The following GLCCI1 variants were observed in gnomAD, a reference collection of about 807,000 sequenced individuals.
The protein encoded by GLCCI1 is glucocorticoid induced 1, also known as glucocorticoid-induced transcript 1 protein.
Under a neutral mutation model 52.2 loss-of-function variants are expected in GLCCI1, and 24 were observed. The ratio of observed to expected loss-of-function variants is 0.46; its 90% confidence interval spans 0.33 to 0.65. GLCCI1 has a LOEUF of 0.65. GLCCI1 is among the 30% of genes least tolerant of loss of function. The probability of loss-of-function intolerance (pLI) is 0.02; values close to 1 mark genes in which losing one functional copy is unlikely to be tolerated. For missense variants in GLCCI1, 704 were observed against 701.5 expected, an observed-to-expected ratio of 1.00 and a Z score of -0.04; for synonymous variants, 310 against 276.5, an observed-to-expected ratio of 1.12 and a Z score of -1.20.
intron 3 of GLCCI1, among the ~76,000 whole-genome samples, chr7:8,023,346 C>G (rs1012341197): frequency 6.6e-6 from 1 of 152,008 alleles, no homozygotes; most frequent in African/African-American, 2.4e-5. Flanking sequence ...CCTTTGGAAC[C>G]CAACAGTAAT....
At chr7:7,985,837 A>G (rs909313670) in intron 1 of GLCCI1, among the ~76,000 whole-genome samples, 4 of 152,186 alleles carry the variant, frequency 2.6e-5, no homozygotes, top group African/African-American at 7.2e-5. Context: ...AAATGTATCA[A>G]TTTTCTCTGC....
intron 3 of GLCCI1, among the ~76,000 whole-genome samples, chr7:8,025,874 C>G (rs1456593208): frequency 6.6e-6 from 1 of 152,138 alleles, no homozygotes; most frequent in African/African-American, 2.4e-5. Flanking sequence ...AACTAGTCTT[C>G]CAAAGTGAAG....
intron 3 of GLCCI1, among the ~76,000 whole-genome samples, chr7:8,038,503 GA>G (rs1172196758): frequency 6.6e-6 from 1 of 152,140 alleles, no homozygotes; most frequent in Non-Finnish European, 1.5e-5. Flanking sequence ...ATATGCTGGG[GA>G]AAGTACACTC....
At chr7:8,028,562 C>T (rs56142807) in intron 3 of GLCCI1, among the ~76,000 whole-genome samples, 5,595 of 151,820 alleles carry the variant, frequency 0.037, 143 homozygotes, top group Non-Finnish European at 0.057. Context: ...GCAGCAAAAG[C>T]AAGAGCAAAC....
intron 1 of GLCCI1, among the ~76,000 whole-genome samples, chr7:7,998,597 A>G (rs1181074419): frequency 6.6e-6 from 1 of 152,140 alleles, no homozygotes; most frequent in Non-Finnish European, 1.5e-5. Context: ...TCTTTTTCCA[A>G]AGAAGCTATA....
intron 3 of GLCCI1, among the ~76,000 whole-genome samples, chr7:8,045,992 G>C (rs979828218): frequency 1.3e-5 from 2 of 150,860 alleles, no homozygotes; most frequent in African/African-American, 4.9e-5. Context: ...AAATGTTTAA[G>C]ATGTTCAAAT....
intron 1 of GLCCI1, among the ~76,000 whole-genome samples, chr7:8,001,705 A>C (rs867828556): frequency 4.6e-5 from 7 of 152,342 alleles, no homozygotes; most frequent in African/African-American, 1.7e-4. Flanking sequence ...AACCAACCCA[A>C]ATGTCCATCA....
Position 8,076,065 on chromosome 7 carries a change from A to G in GLCCI1, c.1177+4934A>G, listed in dbSNP as rs533477630. On this transcript the variant is annotated intron_variant, in intron 6 of 7. Transcript: ENST00000223145. Reference sequence around the variant, plus strand: ...AACAGACTGCTTTTGGCATCTTCCTATTCCTTTATACGTATATTTTAACAT... The same window carrying G: ...AACAGACTGCTTTTGGCATCTTCCTGTTCCTTTATACGTATATTTTAACAT... 6.6e-5 allele frequency among the ~76,000 whole-genome samples: 10 copies of G among 152,246 alleles called. No individual in the cohort carries two copies. The South Asian group carries it at 1.7e-3, about 25-fold the overall frequency.
At chr7:8,071,884 A>T (rs956886909) in intron 6 of GLCCI1, among the ~76,000 whole-genome samples, 3 of 152,228 alleles carry the variant, frequency 2.0e-5, no homozygotes, top group African/African-American at 2.4e-5. Flanking sequence ...GGTCAATGGC[A>T]ACAAAATTGT....
chr7:8,040,247 A>G (rs956193817), intron 3 of GLCCI1, among the ~76,000 whole-genome samples: 8 of 152,134 alleles, frequency 5.3e-5, no homozygotes, highest in African/African-American at 1.4e-4. Flanking sequence ...GCACTTAGGG[A>G]GGCTGAGATG....
rs71014746 is a variant in GLCCI1, at chr7:8,012,432, C to CTTTTTTTT, written c.609+8396_609+8403dup. On this transcript the variant is annotated intron_variant, in intron 2 of 7. Transcript: ENST00000223145. ...CCATTCTGTGGGTTGCCTTTTTATTCTTTTTTTTTTTTTTTTTTTTTTTTT... is the reference window on the plus strand; with the variant it reads ...CCATTCTGTGGGTTGCCTTTTTATTCTTTTTTTTTTTTTTTTTTTTTTTTTTTTTTTTT... Among the ~76,000 whole-genome samples, 137 of 70,396 alleles carry CTTTTTTTT rather than the reference C, an allele frequency of 1.9e-3. 14 individuals are homozygous for CTTTTTTTT. The highest frequency in any genetic ancestry group is 2.6e-3 in the Admixed American group (12 of 4,608). The allele number at this position is 70,396 out of a possible 152,430, so 46.2% of individuals were successfully genotyped here.
At chr7:8,030,483 C>T (rs1307338931) in intron 3 of GLCCI1, among the ~76,000 whole-genome samples, 1 of 152,048 alleles carries the variant, frequency 6.6e-6, no homozygotes, top group Non-Finnish European at 1.5e-5. Flanking sequence ...TCAGGGCAAA[C>T]ATTTCTTGAC....
chr7:8,054,383 G>A (rs1782338273), intron 3 of GLCCI1, among the ~76,000 whole-genome samples: 1 of 152,046 alleles, frequency 6.6e-6, no homozygotes, highest in Non-Finnish European at 1.5e-5. Context: ...AAGCTACATA[G>A]AGCTTTAAAA....
At chr7:7,977,017 G>T (rs1780487522) in intron 1 of GLCCI1, among the ~76,000 whole-genome samples, 2 of 151,780 alleles carry the variant, frequency 1.3e-5, no homozygotes, top group African/African-American at 4.8e-5. Flanking sequence ...TAGTGTTACT[G>T]AAGATCAAAT....
At chr7:8,053,766 C>A (rs1034104558) in intron 3 of GLCCI1, among the ~76,000 whole-genome samples, 2 of 152,084 alleles carry the variant, frequency 1.3e-5, no homozygotes, top group African/African-American at 4.8e-5. Context: ...GAAAGATGGA[C>A]TTTTACCCTA....
chr7:8,037,253 G>A (rs1323398601), intron 3 of GLCCI1, among the ~76,000 whole-genome samples: 2 of 152,156 alleles, frequency 1.3e-5, no homozygotes, highest in African/African-American at 4.8e-5. Context: ...CTTCTTAAAA[G>A]AAAAAGAAAA....
intron 3 of GLCCI1, among the ~76,000 whole-genome samples, chr7:8,023,585 A>ATTTTTTTTTTTTTTTTTTTTTT (rs1268659559): frequency 2.5e-5 from 1 of 39,780 alleles, no homozygotes; most frequent in Non-Finnish European, 5.1e-5. Context: ...AATCTCTGTT[A>ATTTTTTTTTTTTTTTTTTTTTT]TTCTTTTTTT....
intron 1 of GLCCI1, among the ~76,000 whole-genome samples, chr7:7,977,419 G>A (rs1320682818): frequency 6.6e-6 from 1 of 152,184 alleles, no homozygotes; most frequent in Admixed American, 6.5e-5. Flanking sequence ...ACTGGTCCTT[G>A]ATAGTATAAC....
intron 3 of GLCCI1, among the ~76,000 whole-genome samples, chr7:8,052,755 A>G (rs1187820833): frequency 2.0e-5 from 3 of 152,214 alleles, no homozygotes; most frequent in Non-Finnish European, 4.4e-5. Flanking sequence ...TGAGGACACC[A>G]GGTCTCTTGC....
Sources: gnomAD v4.1 joint callset for allele counts (sites outside exome capture counted in the v4.1 genomes callset) on GRCh38, gnomAD v4.1.1 for gene constraint, MANE v1.5 for transcripts, NCBI Gene and HGNC (gene_info 2026-07-23, HGNC 2026-07-21) for gene names.